Variants in TRAPPC6A observed in about 807,000 individuals in gnomAD.
The protein encoded by TRAPPC6A is trafficking protein particle complex subunit 6A, also known as TRAPP complex subunit 6A.
TRAPPC6A carries 25 observed loss-of-function variants against 20.8 expected under a neutral mutation model. The observed-to-expected ratio is 1.20, with a 90% CI of 0.88 to 1.68. The LOEUF (loss-of-function observed/expected upper bound fraction) is 1.68. TRAPPC6A is among the 40% of genes most tolerant of loss of function. The probability of loss-of-function intolerance (pLI) is 0.00; values close to 1 mark genes in which losing one functional copy is unlikely to be tolerated. For missense variants in TRAPPC6A, 215 were observed against 211.6 expected (o/e 1.02, Z -0.10); for synonymous variants, 96 against 93.3 (o/e 1.03, Z -0.16).
At chr19:45,164,052 C>T in intron 4 of TRAPPC6A, 43 bp from the exon 5 acceptor site, 3 of 1,555,736 alleles carry the variant, frequency 1.9e-6, no homozygotes, top group Non-Finnish European at 2.6e-6. Context: ...GAGGGGAGGC[C>T]AGCACCCGAG....
At chr19:45,166,403 T>A (rs1322760065) in intron 1 of TRAPPC6A, among the ~76,000 whole-genome samples, 1 of 151,636 alleles carries the variant, frequency 6.6e-6, no homozygotes, top group Non-Finnish European at 1.5e-5. Flanking sequence ...GAGATGGGGT[T>A]TCACCATGTT....
rs1178284940 is a variant in TRAPPC6A, at chr19:45,164,882, G to T, written c.241C>A (p.Gln81Lys). Residue 81 changes from glutamine to lysine, a missense_variant, in exon 3 of 6, where the codon CAG becomes AAG. Transcript: ENST00000585934. ...TGATTGGTGCGCAGGCTGTCCATCT[G>T]CTTCTGGAACACCGCCACCCACAGG... is the stretch of plus-strand genomic sequence containing the variant. ...KDLWVAVFQK[Q>K]MDSLRTNHQG... The T allele has an allele frequency of 1.9e-6, 3 of 1,614,092 alleles. No homozygotes were observed. The highest frequency in any genetic ancestry group is 1.7e-6 in the Non-Finnish European group (2 of 1,179,982).
In TRAPPC6A at chr19:45,164,955, C is replaced by G. The variant is rs111563253; in HGVS notation, c.168G>C (p.Thr56=). 8.7e-5 allele frequency: 141 copies of G among 1,614,130 alleles called. 2 individuals carry two copies. The African/African-American group carries it at 1.5e-3, about 17-fold the overall frequency. Reference sequence around the variant, plus strand: ...CATCCAGCTCCTCCCTGAAGGCCAGCGTCTCCCGGGGCAGCCTGGTGGGGC... The same window carrying G: ...CATCCAGCTCCTCCCTGAAGGCCAGGGTCTCCCGGGGCAGCCTGGTGGGGC... ...QALGERLPRE[T]LAFREELDVL... Residue 56 remains threonine, a synonymous_variant, in exon 3 of 6, where the codon ACG becomes ACC. Coordinates refer to ENST00000585934, the MANE Select transcript of TRAPPC6A (RefSeq NM_001270891.2).
intron 3 of TRAPPC6A, 120 bp from the exon 4 acceptor site, chr19:45,164,367 A>G: frequency 1.5e-6 from 1 of 676,862 alleles, no homozygotes; most frequent in Non-Finnish European, 2.5e-6. Flanking sequence ...CTTCCTGAGA[A>G]CCACTGGAGT....
At chr19:45,164,100 G>T in intron 4 of TRAPPC6A, 64 bp downstream of exon 4, 1 of 1,555,284 alleles carries the variant, frequency 6.4e-7, no homozygotes, top group Non-Finnish European at 8.7e-7. Flanking sequence ...AAGGCCTGAT[G>T]TGGGATGGGG....
chr19:45,168,689 A>G (rs1306812760), intron 1 of TRAPPC6A, among the ~76,000 whole-genome samples: 11 of 152,250 alleles, frequency 7.2e-5, no homozygotes, highest in Admixed American at 7.2e-4. Context: ...CGTTTTCTAC[A>G]GCCTTCTTGT....
At chr19:45,169,568 T>A (rs561948620) in intron 1 of TRAPPC6A, among the ~76,000 whole-genome samples, 1 of 152,212 alleles carries the variant, frequency 6.6e-6, no homozygotes, top group South Asian at 2.1e-4. Context: ...GCCTTACTTA[T>A]TGCATTCACA....
At chr19:45,164,376 GTCACA>G in intron 3 of TRAPPC6A, 129 bp from the exon 4 acceptor site, 2 of 659,430 alleles carry the variant, frequency 3.0e-6, no homozygotes, top group Non-Finnish European at 5.2e-6. Flanking sequence ...AACCACTGGA[GTCACA>G]GCCTTGGCCT....
intron 1 of TRAPPC6A, among the ~76,000 whole-genome samples, chr19:45,168,282 C>T (rs553607878): frequency 7.2e-4 from 110 of 152,178 alleles, no homozygotes; most frequent in African/African-American, 1.7e-3. Flanking sequence ...GGATTATAGG[C>T]GTGAGCCACC....
At chr19:45,177,226 G>A (rs926561318) in intron 1 of TRAPPC6A, among the ~76,000 whole-genome samples, 1 of 147,682 alleles carries the variant, frequency 6.8e-6, no homozygotes, top group African/African-American at 2.6e-5. Context: ...CACAGTCCCG[G>A]GCCAGTCACG....
At chr19:45,164,032 C>A in intron 4 of TRAPPC6A, 23 bp from the exon 5 acceptor site, 1 of 1,562,816 alleles carries the variant, frequency 6.4e-7, no homozygotes, top group Non-Finnish European at 8.7e-7. Context: ...CACAGACCAG[C>A]ATGGGAAGAG....
Position 45,172,749 on chromosome 19 carries a change from C to A in TRAPPC6A, c.84+5386G>T, listed in dbSNP as rs1333363470. ...AAGGTTGAGCCCACCACAGCCTCTGCCTTAAGCTCCTGCAACAGCGGGGCC... is the reference window on the plus strand; with the variant it reads ...AAGGTTGAGCCCACCACAGCCTCTGACTTAAGCTCCTGCAACAGCGGGGCC... On this transcript the variant is annotated intron_variant, in intron 1 of 5. Coordinates refer to ENST00000585934, the MANE Select transcript of TRAPPC6A (RefSeq NM_001270891.2). The surrounding 1 kb of genome is among the most constrained non-coding windows in gnomAD (Gnocchi z 4.2). 3.3e-5 allele frequency among the ~76,000 whole-genome samples: 5 copies of A among 151,734 alleles called. 1 individual carries two copies. Among genetic ancestry groups the A allele is most frequent in the African/African-American group, 1.2e-4 (5 of 41,024 alleles).
chr19:45,170,259 C>T (rs1412128422), intron 1 of TRAPPC6A, among the ~76,000 whole-genome samples: 1 of 152,232 alleles, frequency 6.6e-6, no homozygotes, highest in Non-Finnish European at 1.5e-5. Context: ...CAGACTCAGT[C>T]CCTGCCCTGC....
rs56796781 is a variant in TRAPPC6A at position 45,172,937 on chromosome 19, A to G, written c.84+5198T>C. On this transcript the variant is annotated intron_variant, in intron 1 of 5. Transcript: ENST00000585934. This position sits in a 1 kb window ranked among gnomAD's most constrained non-coding sequence, Gnocchi z 4.2. ...GAGGGCCTCGCTGGAGCTCCCAGCC[A>G]CAGATGCTCAGGACGGTGTTCCGGG... Among the ~76,000 whole-genome samples the G allele has an allele frequency of 0.082, 12,456 of 151,680 alleles. 757 individuals are homozygous for G. The highest frequency in any genetic ancestry group is 0.14 in the Middle Eastern group (40 of 294).
At chr19:45,174,714 A>C (rs942942981) in intron 1 of TRAPPC6A, among the ~76,000 whole-genome samples, 2 of 152,058 alleles carry the variant, frequency 1.3e-5, no homozygotes, top group South Asian at 4.1e-4. Context: ...CTGTACTCCT[A>C]GCTACTCAGG....
intron 1 of TRAPPC6A, among the ~76,000 whole-genome samples, chr19:45,167,863 G>A (rs1969189156): frequency 6.6e-6 from 1 of 152,166 alleles, no homozygotes; most frequent in Non-Finnish European, 1.5e-5. Flanking sequence ...GCCAGGTGTG[G>A]TGGCATGCAC....
intron 1 of TRAPPC6A, among the ~76,000 whole-genome samples, chr19:45,171,021 G>A (rs986528081): frequency 6.6e-6 from 1 of 152,228 alleles, no homozygotes; most frequent in South Asian, 2.1e-4. Context: ...AACAGAAGGG[G>A]CTGGGCGCGG....
chr19:45,178,014 C>T, intron 1 of TRAPPC6A, 121 bp downstream of exon 1: 1 of 1,532,766 alleles, frequency 6.5e-7, no homozygotes, highest in East Asian at 2.4e-5. Flanking sequence ...CAGGGCCAGA[C>T]GTTGCCCTGC....
At chr19:45,169,575 C>T (rs1243902338) in intron 1 of TRAPPC6A, among the ~76,000 whole-genome samples, 1 of 152,264 alleles carries the variant, frequency 6.6e-6, no homozygotes, top group Admixed American at 6.5e-5. Flanking sequence ...TTATTGCATT[C>T]ACAGCCTCCA....
Sources: allele counts gnomAD v4.1 joint callset (sites outside exome capture counted in the v4.1 genomes callset), GRCh38; gene constraint gnomAD v4.1.1; non-coding constraint Gnocchi (gnomAD v3.1); transcripts MANE v1.5; gene names NCBI Gene and HGNC (gene_info 2026-07-23, HGNC 2026-07-21).